The following STRIP1 variants were observed in gnomAD, a reference collection of about 807,000 sequenced individuals.
The protein encoded by STRIP1 is striatin-interacting protein 1.
In STRIP1, 63 loss-of-function variants were observed where a neutral mutation model predicts 106.2. The ratio of observed to expected loss-of-function variants is 0.59; its 90% CI spans 0.48 to 0.73. STRIP1 has a LOEUF of 0.73. Among genes scored for constraint, STRIP1 ranks in the 30% least tolerant of loss-of-function variants. The pLI is 0.00. For synonymous variants in STRIP1, 390 were observed against 413.0 expected (o/e 0.94, Z 0.67); for missense variants, 857 against 1,074.8 (o/e 0.80, Z 2.83).
chr1:110,049,679 A>G (rs749471077), intron 17 of STRIP1, 119 bp downstream of exon 17: 38 of 676,386 alleles, frequency 5.6e-5, no homozygotes, highest in Non-Finnish European at 8.4e-5. Context: ...GCTAGGCATC[A>G]AGACATAAAG....
At chr1:110,039,664 A>G (rs1331038733) in intron 5 of STRIP1, 149 bp downstream of exon 5, 1 of 1,076,800 alleles carries the variant, frequency 9.3e-7, no homozygotes, top group Non-Finnish European at 1.3e-6. Context: ...TGAATAACGG[A>G]GTTGGTCACT....
chr1:110,041,493 A>ACCC (rs140461087), intron 6 of STRIP1, 43 bp from the exon 7 acceptor site: 1 of 1,486,570 alleles, frequency 6.7e-7, no homozygotes, highest in African/African-American at 1.4e-5. Flanking sequence ...TGCTCCTTTG[A>ACCC]CCCCCCCATC....
intron 6 of STRIP1, chr1:110,041,271 C>G (rs1356362607): frequency 3.3e-6 from 1 of 304,494 alleles, no homozygotes; most frequent in African/African-American, 2.2e-5. Context: ...CTCCTGCTTT[C>G]CATTTCCTCA....
intron 9 of STRIP1, 44 bp downstream of exon 9, chr1:110,043,314 G>T (rs747849311): frequency 1.3e-6 from 2 of 1,582,276 alleles, no homozygotes; most frequent in South Asian, 1.1e-5. Flanking sequence ...GGCCCTCAAG[G>T]TGCATGCTTG....
In STRIP1 at chr1:110,043,618, A is replaced by T. The variant is rs771146778; in HGVS notation, c.1069-21A>T. 3.1e-5 allele frequency: 50 copies of T among 1,607,792 alleles called. 1 individual carries two copies. In the Middle Eastern group the frequency reaches 4.9e-4, roughly 16 times the overall value. ...TGCGTCCTCAGTTGGCTCTTGTCTC[A>T]TCTCCCTTCCCTGGTTTCAGGCTCT... On this transcript the variant is annotated intron_variant, in intron 9 of 20. Transcript: ENST00000369795.
Position 110,041,493 on chromosome 1 carries a change from A to ACC in STRIP1, c.651-37_651-36dup, listed in dbSNP as rs140461087. 1.7e-3 allele frequency: 2,474 copies of ACC among 1,486,572 alleles called. 29 individuals carry two copies. In the African/African-American group the frequency reaches 0.03, roughly 18 times the overall value. 92.1% of individuals were successfully genotyped at this position (1,486,572 alleles called of 1,614,324 possible). ...TGTTAGACACTAGGGTGCTCCTTTG[A>ACC]CCCCCCCATCCCACTCCATTGTGAG... On this transcript the variant is annotated intron_variant, in intron 6 of 20. Transcript: ENST00000369795.
chr1:110,037,012 T>A (rs1486467288), intron 1 of STRIP1, among the ~76,000 whole-genome samples: 3 of 152,104 alleles, frequency 2.0e-5, no homozygotes, highest in Non-Finnish European at 4.4e-5. Flanking sequence ...ATTTTATATT[T>A]TTATTAGAGA....
Position 110,046,747 on chromosome 1 carries a change from CAG to C in STRIP1, c.1485_1486del (p.Gly497ArgfsTer5), listed in dbSNP as rs746936370. The C allele has an allele frequency of 6.2e-6, 10 of 1,611,306 alleles. No homozygotes were observed. Among genetic ancestry groups the C allele is most frequent in the South Asian group, 2.2e-5 (2 of 91,050 alleles). ...GAGGAATACCTCCGCTCCCCTCTCT[CAG>C]GGGTAAGTTGGAGGTCCTCAGTCCG... On this transcript the variant is annotated frameshift_variant and splice_region_variant, in exon 13 of 21. Transcript: ENST00000369795. LOFTEE classifies it high-confidence loss of function.
intron 9 of STRIP1, 57 bp from the exon 10 acceptor site, chr1:110,043,582 C>A: frequency 6.7e-7 from 1 of 1,486,878 alleles, no homozygotes; most frequent in Non-Finnish European, 9.3e-7. Context: ...TCTGGCTGCA[C>A]TTCCCTGGTC....
chr1:110,038,620 C>T (rs1404267678), intron 2 of STRIP1, 63 bp from the exon 3 acceptor site: 1 of 1,402,288 alleles, frequency 7.1e-7, no homozygotes, highest in African/African-American at 1.4e-5. Flanking sequence ...CTTCTCTGCA[C>T]TTGTGAGACC....
At chr1:110,049,077 A>C in intron 15 of STRIP1, 35 bp from the exon 16 acceptor site, 1 of 1,613,920 alleles carries the variant, frequency 6.2e-7, no homozygotes, top group Non-Finnish European at 8.5e-7. Flanking sequence ...GGTACTGCGC[A>C]TGCTGGTGGC....
intron 6 of STRIP1, 122 bp from the exon 7 acceptor site, chr1:110,041,413 TC>T (rs1652751883): frequency 3.0e-6 from 2 of 665,994 alleles, no homozygotes; most frequent in Admixed American, 5.6e-5. Flanking sequence ...TTGTTCATAC[TC>T]ATTTATTCAG....
chr1:110,038,383 A>G, intron 2 of STRIP1: 1 of 367,436 alleles, frequency 2.7e-6, no homozygotes, highest in Non-Finnish European at 5.0e-6. Flanking sequence ...CATCCTGCTC[A>G]AGAGGTAGCA....
chr1:110,038,825 G>A, intron 3 of STRIP1, 68 bp downstream of exon 3: 1 of 1,409,320 alleles, frequency 7.1e-7, no homozygotes, highest in Non-Finnish European at 1.0e-6. Context: ...TTTCTTTTAG[G>A]CATCTGAATG....
Position 110,049,217 on chromosome 1 carries a change from T to C in STRIP1, c.1767T>C (p.Phe589=), listed in dbSNP as rs1653172808. Reference sequence around the variant, plus strand: ...TCCTGCTGCTGCTGCTCAAGCACTTTAAGTTGAACCATGTCTACCAGGTAC... The same window carrying C: ...TCCTGCTGCTGCTGCTCAAGCACTTCAAGTTGAACCATGTCTACCAGGTAC... ...SAVLLLLLKH[F]KLNHVYQFEY... is the part of the protein sequence containing the mutation. Residue 589 remains phenylalanine (F), a synonymous_variant, in exon 16 of 21, where the codon TTT becomes TTC. Coordinates refer to ENST00000369795, the MANE Select transcript of STRIP1 (RefSeq NM_033088.4). 1 of 1,614,198 alleles carries C rather than the reference T, an allele frequency of 6.2e-7. No individual in the cohort carries two copies. Among genetic ancestry groups the C allele is most frequent in the South Asian group, 1.1e-5 (1 of 91,090 alleles).
At chr1:110,036,673 A>G (rs142489513) in intron 1 of STRIP1, among the ~76,000 whole-genome samples, 6 of 152,300 alleles carry the variant, frequency 3.9e-5, no homozygotes, top group Non-Finnish European at 7.3e-5. Flanking sequence ...TGTACTACAT[A>G]ATTTTGATTA....
At chr1:110,051,444 C>G (rs748803148) in intron 19 of STRIP1, among the ~76,000 whole-genome samples, 1 of 152,172 alleles carries the variant, frequency 6.6e-6, no homozygotes, top group Non-Finnish European at 1.5e-5. Flanking sequence ...GAATCCATAG[C>G]TTTCTTCAGA....
chr1:110,043,649 A>G lies in STRIP1; in HGVS notation c.1079A>G (p.Lys360Arg). The G allele has an allele frequency of 1.2e-6, 2 of 1,613,830 alleles. No homozygotes were observed. Among genetic ancestry groups the G allele is most frequent in the East Asian group, 4.5e-5 (2 of 44,886 alleles). ...CTTCCCTGGTTTCAGGCTCTGATAA[A>G]GCAGGACAACCTAGATGCCTTCAAC... ...RGRREHKALI[K>R]QDNLDAFNER... The change falls in exon 10 of 21, where the codon AAG becomes AGG. Residue 360 changes from lysine (K) to arginine (R), a missense_variant. Around this residue, in one of 2 missense-constraint regions of STRIP1, gnomAD observed 750 missense variants for 989.8 expected, o/e 0.76. Transcript: ENST00000369795.
At chr1:110,052,036 C>G in intron 20 of STRIP1, 149 bp downstream of exon 20, 1 of 809,194 alleles carries the variant, frequency 1.2e-6, no homozygotes, top group Non-Finnish European at 1.9e-6. Context: ...TTTGTAGCAT[C>G]AGGATGGGCA....
Sources: allele counts gnomAD v4.1 joint callset (sites outside exome capture counted in the v4.1 genomes callset), GRCh38; gene constraint gnomAD v4.1.1; regional missense constraint gnomAD v4.1.1; transcripts MANE v1.5; gene names NCBI Gene and HGNC (gene_info 2026-07-23, HGNC 2026-07-21).